The following DNAH14 variants were observed in gnomAD, a reference collection of about 807,000 sequenced individuals.
DNAH14 encodes axonemal beta dynein heavy chain 14.
DNAH14 carries 478 observed loss-of-function variants against 520.9 expected under a neutral mutation model. The observed-to-expected ratio is 0.92, with a 90% CI of 0.85 to 0.99. The LOEUF is 0.99. Ranked by LOEUF, DNAH14 falls within the 50% of genes least tolerant of loss-of-function variation. The pLI is 0.00. For synonymous variants in DNAH14, 1,581 were observed against 1,757.2 expected (o/e 0.90, Z 2.51); for missense variants, 4,831 against 5,234.5 (o/e 0.92, Z 2.38).
chr1:225,328,431 A>G (rs2094723920), intron 64 of DNAH14, among the ~76,000 whole-genome samples: 1 of 152,098 alleles, frequency 6.6e-6, no homozygotes, highest in Admixed American at 6.5e-5. Flanking sequence ...TAGTATTTGA[A>G]CTCATTAAAA....
At chr1:225,019,207 A>G (rs550364708) in intron 10 of DNAH14, among the ~76,000 whole-genome samples, 8 of 151,064 alleles carry the variant, frequency 5.3e-5, no homozygotes, top group African/African-American at 1.9e-4. Flanking sequence ...ATAGACTCAA[A>G]GTAAAGGGTT....
At chr1:225,096,103 A>G (rs116252760) in intron 21 of DNAH14, among the ~76,000 whole-genome samples, 12,183 of 151,922 alleles carry the variant, frequency 0.08, 1,578 homozygotes, top group African/African-American at 0.27. Context: ...AGTATCTGGG[A>G]TTACCGGCAC....
intron 55 of DNAH14, among the ~76,000 whole-genome samples, chr1:225,294,855 G>A (rs574615680): frequency 6.6e-6 from 1 of 151,912 alleles, no homozygotes; most frequent in South Asian, 2.1e-4. Flanking sequence ...GAATTCAGCA[G>A]TGAGGCCATC....
rs561983923 is a variant in DNAH14 at position 225,340,708 on chromosome 1, C to T, written c.10678+7C>T. Reference sequence around the variant, plus strand: ...TTACTGCAGAAAGCACTAGGTAAGTCAAGATATTTAGTGATAGTAAGAGAT... The same window carrying T: ...TTACTGCAGAAAGCACTAGGTAAGTTAAGATATTTAGTGATAGTAAGAGAT... On this transcript the variant is annotated splice_region_variant and intron_variant, in intron 69 of 85. Transcript: ENST00000682510. 6.5e-7 allele frequency: 1 copy of T among 1,549,576 alleles called. No homozygotes were observed. Among genetic ancestry groups the T allele is most frequent in the South Asian group, 1.2e-5 (1 of 83,698 alleles).
chr1:225,090,584 G>T (rs2074287137), intron 21 of DNAH14, among the ~76,000 whole-genome samples: 1 of 152,064 alleles, frequency 6.6e-6, no homozygotes, highest in Non-Finnish European at 1.5e-5. Flanking sequence ...ATGGACAACT[G>T]ATTTTCAACA....
chr1:224,973,284 G>T (rs776081197), intron 7 of DNAH14, among the ~76,000 whole-genome samples: 9 of 150,490 alleles, frequency 6.0e-5, no homozygotes, highest in Admixed American at 1.3e-4. Context: ...TGTTTGGTTG[G>T]CTTCTCAGAC....
intron 1 of DNAH14, among the ~76,000 whole-genome samples, chr1:224,942,310 G>A (rs9426147): frequency 0.096 from 14,579 of 152,082 alleles, 2,262 homozygotes; most frequent in African/African-American, 0.33. Context: ...CTCTCTGTCC[G>A]TTATTGGTGT....
chr1:225,131,399 T>C (rs2078406638), intron 27 of DNAH14, among the ~76,000 whole-genome samples: 1 of 152,204 alleles, frequency 6.6e-6, no homozygotes, highest in African/African-American at 2.4e-5. Context: ...CTGGAGGCCA[T>C]TGGCATTCCT....
At chr1:225,317,072 G>C (rs1277944966) in intron 60 of DNAH14, among the ~76,000 whole-genome samples, 1 of 152,124 alleles carries the variant, frequency 6.6e-6, no homozygotes. Context: ...CTTATGCAGT[G>C]ATTAATTTCA....
chr1:224,930,601 C>T (rs2058624117), intron 1 of DNAH14, among the ~76,000 whole-genome samples: 1 of 151,998 alleles, frequency 6.6e-6, no homozygotes, highest in Admixed American at 6.5e-5. Flanking sequence ...TTTACTATAC[C>T]ATACTTTTTT....
chr1:225,304,484 A>G (rs974941975), intron 57 of DNAH14, among the ~76,000 whole-genome samples: 11 of 152,136 alleles, frequency 7.2e-5, no homozygotes, highest in African/African-American at 2.4e-4. Flanking sequence ...CTTGAGCCCA[A>G]GAGTTTGAGG....
intron 55 of DNAH14, among the ~76,000 whole-genome samples, chr1:225,294,823 T>TAA (rs143146632): frequency 6.4e-5 from 6 of 93,332 alleles, no homozygotes; most frequent in Non-Finnish European, 4.3e-5. Context: ...GACTCCATCT[T>TAA]AAAAAAAAAA....
At chr1:225,294,952 T>C (rs2093975461) in intron 55 of DNAH14, among the ~76,000 whole-genome samples, 1 of 152,182 alleles carries the variant, frequency 6.6e-6, no homozygotes, top group Non-Finnish European at 1.5e-5. Context: ...TACTTATTAT[T>C]AGTCTGCTCA....
intron 28 of DNAH14, among the ~76,000 whole-genome samples, chr1:225,141,612 G>C (rs2079471751): frequency 6.6e-6 from 1 of 151,866 alleles, no homozygotes; most frequent in African/African-American, 2.4e-5. Flanking sequence ...TTGTCTTCCT[G>C]ACCTGATTAG....
chr1:224,951,806 A>G (rs2060196356), intron 1 of DNAH14, among the ~76,000 whole-genome samples: 1 of 151,700 alleles, frequency 6.6e-6, no homozygotes, highest in Non-Finnish European at 1.5e-5. Context: ...GCCCACCACC[A>G]ATGCCCGGCT....
intron 38 of DNAH14, among the ~76,000 whole-genome samples, chr1:225,202,964 A>T (rs1285910389): frequency 6.6e-6 from 1 of 152,136 alleles, no homozygotes; most frequent in Non-Finnish European, 1.5e-5. Context: ...CATGATCTAG[A>T]CCTTCAGGTT....
At chr1:225,200,627 TG>T (rs1214612019) in intron 38 of DNAH14, among the ~76,000 whole-genome samples, 1 of 152,198 alleles carries the variant, frequency 6.6e-6, no homozygotes, top group Admixed American at 6.5e-5. Flanking sequence ...TTAGTTTCAC[TG>T]GATACAAAAT....
Position 225,303,356 on chromosome 1 carries a change from C to G in DNAH14, c.8823+9C>G, listed in dbSNP as rs1418957231. The G allele has an allele frequency of 1.3e-6, 2 of 1,543,184 alleles. No homozygotes were observed. Among genetic ancestry groups the G allele is most frequent in the Non-Finnish European group, 1.7e-6 (2 of 1,143,524 alleles). On this transcript the variant is annotated intron_variant, in intron 57 of 85. Coordinates refer to ENST00000682510, the MANE Select transcript of DNAH14 (RefSeq NM_001367479.1). ...ATTTTGAGAACAGAGAGGTAAATAT[C>G]TAATGCAAGTGAAGGTTTCAGTTTA... is the stretch of plus-strand genomic sequence containing the variant.
chr1:225,051,820 G>T, intron 17 of DNAH14, 25 bp downstream of exon 17: 1 of 1,399,294 alleles, frequency 7.1e-7, no homozygotes, highest in Non-Finnish European at 9.5e-7. Flanking sequence ...AATTCTTATT[G>T]TGTAAGAATG....
Sources: gnomAD v4.1 joint callset for allele counts (sites outside exome capture counted in the v4.1 genomes callset) on GRCh38, gnomAD v4.1.1 for gene constraint, MANE v1.5 for transcripts, NCBI Gene and HGNC (gene_info 2026-07-23, HGNC 2026-07-21) for gene names.